Variants in NDST4 observed in about 807,000 individuals in gnomAD.
The protein encoded by NDST4 is N-deacetylase and N-sulfotransferase 4, also known as N-heparan sulfate sulfotransferase 4.
Under a neutral mutation model 100.8 loss-of-function variants are expected in NDST4, and 63 were observed. The observed-to-expected ratio is 0.62, with a 90% CI of 0.51 to 0.77. The LOEUF is 0.77. Ranked by LOEUF, NDST4 falls within the 30% of genes least tolerant of loss-of-function variation. The pLI, the probability that NDST4 is intolerant of heterozygous loss-of-function variation, is 0.00. For synonymous variants in NDST4, 377 were observed against 361.8 expected (o/e 1.04, Z -0.48); for missense variants, 943 against 1,018.4 (o/e 0.93, Z 1.01).
chr4:115,045,823 G>T (rs1171441852), intron 2 of NDST4, among the ~76,000 whole-genome samples: 1 of 152,044 alleles, frequency 6.6e-6, no homozygotes, highest in Non-Finnish European at 1.5e-5. Context: ...AAATTGATGT[G>T]GAAGAAATAT....
At chr4:115,016,927 C>G (rs986923661) in intron 2 of NDST4, among the ~76,000 whole-genome samples, 35 of 151,904 alleles carry the variant, frequency 2.3e-4, no homozygotes, top group African/African-American at 8.0e-4. Context: ...GACCATGTGA[C>G]CAGTTGTAGA....
intron 6 of NDST4, among the ~76,000 whole-genome samples, chr4:114,933,872 G>A (rs1459309234): frequency 6.6e-6 from 1 of 152,164 alleles, no homozygotes; most frequent in African/African-American, 2.4e-5. Flanking sequence ...TGGCGAGGAT[G>A]TGGAGAAAGG....
intron 6 of NDST4, among the ~76,000 whole-genome samples, chr4:114,879,456 A>C (rs972330199): frequency 2.0e-5 from 3 of 152,096 alleles, no homozygotes; most frequent in African/African-American, 7.2e-5. Context: ...CCTCCTCTAC[A>C]CACCTAAATC....
intron 2 of NDST4, among the ~76,000 whole-genome samples, chr4:115,028,591 CAAAG>C (rs1009849554): frequency 5.3e-5 from 8 of 150,516 alleles, no homozygotes; most frequent in South Asian, 2.1e-4. Flanking sequence ...GTATATTAAT[CAAAG>C]AAAGAGAGGA....
At chr4:115,110,049 G>A (rs574354338) in intron 1 of NDST4, among the ~76,000 whole-genome samples, 1 of 151,982 alleles carries the variant, frequency 6.6e-6, no homozygotes, top group Non-Finnish European at 1.5e-5. Flanking sequence ...AGCTTTTGAG[G>A]AAATCTATTT....
intron 2 of NDST4, among the ~76,000 whole-genome samples, chr4:115,060,641 A>T (rs1463310595): frequency 1.3e-5 from 2 of 151,986 alleles, no homozygotes; most frequent in African/African-American, 2.4e-5. Context: ...CCTTAGGTAT[A>T]TGTTAAATAT....
chr4:114,919,991 T>C (rs1725255440), intron 6 of NDST4, among the ~76,000 whole-genome samples: 1 of 152,196 alleles, frequency 6.6e-6, no homozygotes, highest in Admixed American at 6.5e-5. Context: ...GGAAGTTGCC[T>C]ACCCTCTAGA....
chr4:115,020,361 G>T (rs192789464), intron 2 of NDST4, among the ~76,000 whole-genome samples: 1 of 152,042 alleles, frequency 6.6e-6, no homozygotes, highest in South Asian at 2.1e-4. Flanking sequence ...AAGTCCAAAG[G>T]CTTCATAAAA....
intron 1 of NDST4, among the ~76,000 whole-genome samples, chr4:115,082,513 T>C (rs1301732374): frequency 6.6e-6 from 1 of 152,136 alleles, no homozygotes; most frequent in Non-Finnish European, 1.5e-5. Flanking sequence ...TGGTTGTTTC[T>C]TTGTTGAAGG....
In NDST4 at chr4:114,951,257, GTTC is replaced by G. The variant is rs375759103; in HGVS notation, c.1222-13757_1222-13755del. 3.5e-3 allele frequency among the ~76,000 whole-genome samples: 528 copies of G among 152,012 alleles called. 3 individuals carry two copies. Among genetic ancestry groups the G allele is most frequent in the African/African-American group, 0.012 (507 of 41,496 alleles). ...TTAAAATACAATTTTTATCATCCAT[GTTC>G]TTTTTTCTTGGAATGTTTGTTAAAA... On this transcript the variant is annotated intron_variant, in intron 4 of 13. Coordinates refer to ENST00000264363, the MANE Select transcript of NDST4 (RefSeq NM_022569.3).
Position 115,036,386 on chromosome 4 carries a change from AT to A in NDST4, c.978+39672del. ...AATATAAATTTAATATAAACTATATATTTATATAATTTTAAGGATAATAAGT... is the reference window on the plus strand; with the variant it reads ...AATATAAATTTAATATAAACTATATATTATATAATTTTAAGGATAATAAGT... On this transcript the variant is annotated intron_variant, in intron 2 of 13. Transcript: ENST00000264363. Among the ~76,000 whole-genome samples, 2 of 150,306 alleles carry A rather than the reference AT, an allele frequency of 1.3e-5. 1 individual carries two copies. Among genetic ancestry groups the A allele is most frequent in the Non-Finnish European group, 3.0e-5 (2 of 67,526 alleles).
intron 2 of NDST4, among the ~76,000 whole-genome samples, chr4:114,994,631 T>C (rs1179302151): frequency 1.3e-5 from 2 of 152,042 alleles, no homozygotes; most frequent in African/African-American, 2.4e-5. Flanking sequence ...TAGGAAATCA[T>C]GTTCAAATAC....
chr4:115,022,545 G>A (rs887144401), intron 2 of NDST4, among the ~76,000 whole-genome samples: 8 of 135,572 alleles, frequency 5.9e-5, no homozygotes, highest in African/African-American at 9.3e-5. Flanking sequence ...CTTCTCAGAC[G>A]TAAAAATGAA....
At position 114,881,555 on chromosome 4, in the gene NDST4, T is replaced by A. The variant is rs549625508; in HGVS notation, c.1537-10605A>T. On this transcript the variant is annotated intron_variant, in intron 6 of 13. Transcript: ENST00000264363. ...AGAGAGTATAGAAGCATGCTGTGGC[T>A]GCTCTGAGGGTCCAGGTGAGCCCAT... Among the ~76,000 whole-genome samples the A allele has an allele frequency of 3.9e-5, 6 of 152,182 alleles. No individual in the cohort carries two copies. In the South Asian group the frequency reaches 1.2e-3, roughly 32 times the overall value.
chr4:115,093,731 G>T (rs1729567051), intron 1 of NDST4, among the ~76,000 whole-genome samples: 3 of 151,878 alleles, frequency 2.0e-5, no homozygotes, highest in Admixed American at 6.6e-5. Context: ...AAATGCTCCT[G>T]TATTTAAAAT....
At chr4:114,925,883 G>T (rs1725376357) in intron 6 of NDST4, among the ~76,000 whole-genome samples, 1 of 152,006 alleles carries the variant, frequency 6.6e-6, no homozygotes, top group South Asian at 2.1e-4. Context: ...AAAATGAGTA[G>T]AAAAAATTAA....
At chr4:115,103,828 T>C (rs1729784255) in intron 1 of NDST4, among the ~76,000 whole-genome samples, 1 of 152,164 alleles carries the variant, frequency 6.6e-6, no homozygotes, top group African/African-American at 2.4e-5. Flanking sequence ...TAATCCAGGT[T>C]ACACAATTCT....
At chr4:115,067,495 C>T (rs1372448121) in intron 2 of NDST4, among the ~76,000 whole-genome samples, 1 of 151,874 alleles carries the variant, frequency 6.6e-6, no homozygotes, top group Non-Finnish European at 1.5e-5. Context: ...TTTCTAAAGA[C>T]ACAAACTTAG....
At chr4:115,058,002 A>C (rs906878275) in intron 2 of NDST4, among the ~76,000 whole-genome samples, 2 of 152,158 alleles carry the variant, frequency 1.3e-5, no homozygotes, top group Admixed American at 1.3e-4. Context: ...ATGTTTTAAA[A>C]TCATGAAAGG....
Sources: allele counts gnomAD v4.1 joint callset (sites outside exome capture counted in the v4.1 genomes callset), GRCh38; gene constraint gnomAD v4.1.1; transcripts MANE v1.5; gene names NCBI Gene and HGNC (gene_info 2026-07-23, HGNC 2026-07-21).